CSMD1: variants seen among roughly 807,000 people sequenced by gnomAD.
The protein encoded by CSMD1 is CUB and Sushi multiple domains 1.
Under a neutral mutation model 417.5 loss-of-function variants are expected in CSMD1, and 213 were observed. The observed-to-expected ratio is 0.51, with a 90% CI of 0.46 to 0.57. The LOEUF is 0.57. Ranked by LOEUF, CSMD1 falls within the 20% of genes least tolerant of loss-of-function variation. The pLI is 0.00. For missense variants in CSMD1, 6,923 were observed against 4,529.7 expected (o/e 1.53, Z -15.17); for synonymous variants, 2,862 against 1,736.8 (o/e 1.65, Z -16.11).
At chr8:4,388,554 G>A (rs1375896976) in intron 3 of CSMD1, among the ~76,000 whole-genome samples, 1 of 150,004 alleles carries the variant, frequency 6.7e-6, no homozygotes, top group Non-Finnish European at 1.5e-5. Context: ...GACTGAGGGG[G>A]AAGGGTGGGG....
intron 47 of CSMD1, among the ~76,000 whole-genome samples, chr8:3,093,210 T>C (rs1366931287): frequency 1.3e-5 from 2 of 152,210 alleles, no homozygotes; most frequent in Admixed American, 6.5e-5. Context: ...GGGTGGGTCC[T>C]GATCTAATAT....
Position 3,982,162 on chromosome 8 carries a change from A to ATAATAC in CSMD1, c.818+15740_818+15741insGTATTA, listed in dbSNP as rs1813921938. On this transcript the variant is annotated intron_variant, in intron 5 of 69. Transcript: ENST00000635120. ...GACACAGCGAGGCTCTATCTCAAAA[A>ATAATAC]TAATAATAATAATAATAATAATAAT... Among the ~76,000 whole-genome samples the ATAATAC allele has an allele frequency of 4.0e-5, 3 of 74,172 alleles. No individual in the cohort carries two copies. The South Asian group carries it at 1.6e-3, about 39-fold the overall frequency. The allele number at this position is 74,172 out of a possible 152,430, so 48.7% of individuals were successfully genotyped here.
chr8:3,792,716 G>C (rs1465150999), intron 5 of CSMD1, among the ~76,000 whole-genome samples: 4 of 152,182 alleles, frequency 2.6e-5, no homozygotes, highest in Admixed American at 6.5e-5. Flanking sequence ...AGTCAAGTTG[G>C]TGAAAGAGTT....
rs141617363 is a variant in CSMD1, at chr8:4,093,914, T to C, written c.416-61815A>G. ...GGCAGAGGTTTCAGTGAGCCCAGAT[T>C]GCGCCATTACGCTCCAACCTGAGCA... is the stretch of plus-strand genomic sequence containing the variant. On this transcript the variant is annotated intron_variant, in intron 3 of 69. Transcript: ENST00000635120. Among the ~76,000 whole-genome samples the C allele has an allele frequency of 2.3e-3, 355 of 151,960 alleles. 2 individuals carry two copies. The highest frequency in any genetic ancestry group is 3.9e-3 in the Non-Finnish European group (266 of 67,996).
Position 4,288,874 on chromosome 8 carries a change from G to C in CSMD1, c.415+131079C>G, listed in dbSNP as rs552957250. On this transcript the variant is annotated intron_variant, in intron 3 of 69. Transcript: ENST00000635120. ...ACCAGTATGCTATGAATTATTTTAA[G>C]AGTAAATATTAGTTACTTAACAACT... Among the ~76,000 whole-genome samples, 5 of 152,256 alleles carry C rather than the reference G, an allele frequency of 3.3e-5. No individual in the cohort carries two copies. In the South Asian group the frequency reaches 6.2e-4, roughly 19 times the overall value.
chr8:3,613,271 A>G, intron 8 of CSMD1: 1 of 422,018 alleles, frequency 2.4e-6, no homozygotes, highest in African/African-American at 2.1e-5. Context: ...TCCGTAATTA[A>G]AAACCTACTT....
At chr8:4,274,439 A>G (rs1796354233) in intron 3 of CSMD1, among the ~76,000 whole-genome samples, 1 of 152,166 alleles carries the variant, frequency 6.6e-6, no homozygotes, top group African/African-American at 2.4e-5. Flanking sequence ...TTGCAAACGC[A>G]TTATTGATTA....
chr8:4,387,784 C>A (rs1327672998), intron 3 of CSMD1, among the ~76,000 whole-genome samples: 1 of 152,000 alleles, frequency 6.6e-6, no homozygotes, highest in African/African-American at 2.4e-5. Flanking sequence ...TGAGAATTAA[C>A]AAGACGGATT....
Position 3,959,832 on chromosome 8 carries a change from T to C in CSMD1, c.818+38071A>G, listed in dbSNP as rs1057469358. On this transcript the variant is annotated intron_variant, in intron 5 of 69. Transcript: ENST00000635120. ...GCACCTTCTGGCATTATACACCAAG[T>C]GATGTAGAGAAAAACTTTCTATATT... Among the ~76,000 whole-genome samples the C allele has an allele frequency of 2.0e-5, 3 of 152,324 alleles. No individual in the cohort carries two copies. In the South Asian group the frequency reaches 6.2e-4, roughly 32 times the overall value.
intron 26 of CSMD1, among the ~76,000 whole-genome samples, chr8:3,261,584 C>G (rs188972684): frequency 6.6e-6 from 1 of 152,262 alleles, no homozygotes; most frequent in African/African-American, 2.4e-5. Context: ...GAGTCCCAAT[C>G]TGGAAATTAC....
chr8:4,714,133 C>T (rs865800565), intron 1 of CSMD1, among the ~76,000 whole-genome samples: 11 of 151,770 alleles, frequency 7.2e-5, no homozygotes, highest in African/African-American at 1.9e-4. Context: ...TGACAGAACG[C>T]GACTCTGTCT....
At chr8:4,599,779 T>C (rs565127604) in intron 2 of CSMD1, among the ~76,000 whole-genome samples, 1 of 152,320 alleles carries the variant, frequency 6.6e-6, no homozygotes, top group East Asian at 1.9e-4. Flanking sequence ...GTTCACACAG[T>C]GGATACTGTA....
At chr8:4,094,542 G>C (rs968540310) in intron 3 of CSMD1, among the ~76,000 whole-genome samples, 1 of 152,188 alleles carries the variant, frequency 6.6e-6, no homozygotes, top group Non-Finnish European at 1.5e-5. Context: ...TAGCTTCAGT[G>C]GGAGATTCTT....
chr8:3,986,211 G>A (rs1814308655), intron 5 of CSMD1, among the ~76,000 whole-genome samples: 2 of 152,100 alleles, frequency 1.3e-5, no homozygotes, highest in Admixed American at 6.5e-5. Context: ...CTGAGATGGT[G>A]CAAAGACACC....
intron 2 of CSMD1, among the ~76,000 whole-genome samples, chr8:4,561,373 A>AAAAAC (rs1387985661): frequency 3.9e-5 from 6 of 152,284 alleles, no homozygotes; most frequent in Non-Finnish European, 5.9e-5. Flanking sequence ...ACTCCATCTC[A>AAAAAC]AAAACAAAAC....
chr8:3,905,091 T>C (rs1808028583), intron 5 of CSMD1, among the ~76,000 whole-genome samples: 1 of 152,252 alleles, frequency 6.6e-6, no homozygotes, highest in African/African-American at 2.4e-5. Context: ...CAAATGTCTG[T>C]AGGGAAACTG....
At chr8:4,324,227 A>G (rs1430808618) in intron 3 of CSMD1, among the ~76,000 whole-genome samples, 1 of 152,244 alleles carries the variant, frequency 6.6e-6, no homozygotes, top group Non-Finnish European at 1.5e-5. Flanking sequence ...ATGCATCTGC[A>G]GAGATTTCCC....
intron 7 of CSMD1, among the ~76,000 whole-genome samples, chr8:3,663,723 G>A (rs1379070912): frequency 2.6e-5 from 4 of 152,120 alleles, no homozygotes; most frequent in South Asian, 4.1e-4. Context: ...GCCCGCCTTT[G>A]CTTTGAGTTG....
chr8:4,265,989 G>C (rs1804206535), intron 3 of CSMD1, among the ~76,000 whole-genome samples: 3 of 103,700 alleles, frequency 2.9e-5, no homozygotes, highest in Admixed American at 1.8e-4. Flanking sequence ...CTTTGTGTGC[G>C]TTTGGGCTGT....
Sources: allele counts gnomAD v4.1 joint callset (sites outside exome capture counted in the v4.1 genomes callset), GRCh38; gene constraint gnomAD v4.1.1; transcripts MANE v1.5; gene names NCBI Gene and HGNC (gene_info 2026-07-23, HGNC 2026-07-21).